CENPE: variants seen among roughly 807,000 people sequenced by gnomAD.
The protein encoded by CENPE is centromere-associated protein E.
A neutral mutation model predicts 336.1 loss-of-function variants in CENPE; 145 were observed. The observed-to-expected ratio is 0.43, with a 90% confidence interval of 0.38 to 0.50. CENPE has a LOEUF of 0.50. CENPE is among the 20% of genes least tolerant of loss of function. CENPE has a pLI of 0.00. For synonymous variants in CENPE, 1,013 were observed against 984.8 expected (o/e 1.03, Z -0.54); for missense variants, 2,719 against 3,023.3 (o/e 0.90, Z 2.36).
chr4:103,125,793 A>G (rs1277090748), intron 42 of CENPE, among the ~76,000 whole-genome samples: 1 of 139,900 alleles, frequency 7.1e-6, no homozygotes, highest in African/African-American at 2.7e-5. Flanking sequence ...TGAACCCAGG[A>G]GGCGGAGGTT....
Position 103,145,863 on chromosome 4 carries a change from T to A in CENPE, c.4379A>T (p.Gln1460Leu). 6.2e-7 allele frequency: 1 copy of A among 1,609,422 alleles called. No individual in the cohort carries two copies. Among genetic ancestry groups the A allele is most frequent in the African/African-American group, 1.3e-5 (1 of 74,750 alleles). ...AATTTCTTTTATGTTTTCTTTGAGCTGGTCACTTTCAGATTGAAGAACTTC... is the reference window on the plus strand; with the variant it reads ...AATTTCTTTTATGTTTTCTTTGAGCAGGTCACTTTCAGATTGAAGAACTTC... ...LQEVLQSESD[Q>L]LKENIKEIVA... is the part of the protein sequence containing the mutation. The change falls in exon 30 of 49, where the codon CAG becomes CTG. Residue 1460 changes from glutamine to leucine, a missense_variant. Physicochemically the swap from Gln to Leu is moderately radical, Grantham distance 113 (BLOSUM62 -2). Coordinates refer to ENST00000265148, the MANE Select transcript of CENPE (RefSeq NM_001813.3).
At chr4:103,138,471 A>G in intron 38 of CENPE, 22 bp from the exon 39 acceptor site, 1 of 1,526,678 alleles carries the variant, frequency 6.6e-7, no homozygotes, top group Non-Finnish European at 9.1e-7. Flanking sequence ...AAAAGAAAAT[A>G]AACAGGGCTT....
At chr4:103,173,172 T>G (rs1755554754) in intron 16 of CENPE, among the ~76,000 whole-genome samples, 1 of 151,738 alleles carries the variant, frequency 6.6e-6, no homozygotes, top group Non-Finnish European at 1.5e-5. Flanking sequence ...AACAGGCCAA[T>G]AGAACAGAGA....
Position 103,120,148 on chromosome 4 carries a change from C to G in CENPE, c.7329G>C (p.Gln2443His). 6.3e-7 allele frequency: 1 copy of G among 1,585,568 alleles called. No individual in the cohort carries two copies. The highest frequency in any genetic ancestry group is 1.2e-5 in the South Asian group (1 of 86,358). The change falls in exon 44 of 49, where the codon CAG (glutamine) becomes CAC (histidine). Residue 2443 changes from glutamine to histidine, a missense_variant and splice_region_variant. Coordinates refer to ENST00000265148, the MANE Select transcript of CENPE (RefSeq NM_001813.3). Reference sequence around the variant, plus strand: ...ACTTTTATTTTTATGTTTAAGTTACCTGAAGTACTTGAATTGTCTCTTTTG... The same window carrying G: ...ACTTTTATTTTTATGTTTAAGTTACGTGAAGTACTTGAATTGTCTCTTTTG... The part of the protein sequence containing the change: ...EKTKETIQVL[Q>H]DKVALGAKPY...
intron 8 of CENPE, among the ~76,000 whole-genome samples, chr4:103,188,965 T>C (rs1400517249): frequency 1.3e-5 from 2 of 152,036 alleles, no homozygotes; most frequent in African/African-American, 4.8e-5. Context: ...GGGGATATCA[T>C]CACCGATCCC....
In CENPE at chr4:103,113,520, TATTA is replaced by T. The variant is rs1247297293; in HGVS notation, c.7540+931_7540+934del. ...TTATACTTATATATATTATAATATA[TATTA>T]TATATAATATATAACTTATATATAA... On this transcript the variant is annotated intron_variant, in intron 46 of 48. Transcript: ENST00000265148. Among the ~76,000 whole-genome samples, 4 of 140,266 alleles carry T rather than the reference TATTA, an allele frequency of 2.9e-5. 1 individual carries two copies. The highest frequency in any genetic ancestry group is 1.1e-4 in the African/African-American group (4 of 37,862). The allele number at this position is 140,266 out of a possible 152,430, so 92.0% of individuals were successfully genotyped here.
At chr4:103,196,624 T>C in intron 2 of CENPE, 135 bp downstream of exon 2, 1 of 609,814 alleles carries the variant, frequency 1.6e-6, no homozygotes, top group Non-Finnish European at 2.9e-6. Flanking sequence ...GGATAAACAA[T>C]TTTGTTTCCA....
chr4:103,137,664 G>A (rs752166138), intron 39 of CENPE, among the ~76,000 whole-genome samples: 11 of 152,246 alleles, frequency 7.2e-5, no homozygotes, highest in African/African-American at 2.6e-4. Context: ...AGGTGTGACT[G>A]TAAATCCTGT....
Position 103,147,548 on chromosome 4 carries a change from C to G in CENPE, c.3942G>C (p.Gln1314His), listed in dbSNP as rs1753159718. 6.2e-7 allele frequency: 1 copy of G among 1,614,038 alleles called. No homozygotes were observed. Among genetic ancestry groups the G allele is most frequent in the Non-Finnish European group, 8.5e-7 (1 of 1,179,998 alleles). The change falls in exon 29 of 49, where the codon CAG (glutamine) becomes CAC (histidine). Residue 1314 changes from glutamine (Q) to histidine (H), a missense_variant. By Grantham distance (24) the Gln-to-His change is conservative (BLOSUM62 0). This residue lies in a region of CENPE where 2,437 missense variants were observed against 2,513.3 expected (regional missense o/e 0.97). Transcript: ENST00000265148. ...TMNELELLTE[Q>H]STTKDSTTLA... Reference sequence around the variant, plus strand: ...GTGTTGTTGAGTCCTTGGTTGTGGACTGTTCTGTTAATAACTCCAGTTCAT... The same window carrying G: ...GTGTTGTTGAGTCCTTGGTTGTGGAGTGTTCTGTTAATAACTCCAGTTCAT...
Position 103,163,276 on chromosome 4 carries a change from G to C in CENPE, c.1723-20C>G. On this transcript the variant is annotated intron_variant, in intron 17 of 48. Transcript: ENST00000265148. ...TTCATTCTAAAAGAATCAAAGGAGA[G>C]AGTAACAATTTAGAATCTGATTTGA... 3 of 1,591,572 alleles carry C rather than the reference G, an allele frequency of 1.9e-6. No individual in the cohort carries two copies. Among genetic ancestry groups the C allele is most frequent in the Non-Finnish European group, 2.6e-6 (3 of 1,169,120 alleles).
At chr4:103,108,714 T>TTATC in intron 48 of CENPE, 89 bp downstream of exon 48, 1 of 1,212,910 alleles carries the variant, frequency 8.2e-7, no homozygotes. Flanking sequence ...AAATCATCTC[T>TTATC]TATCTAAACT....
intron 45 of CENPE, 50 bp downstream of exon 45, chr4:103,116,527 G>T: frequency 1.2e-6 from 1 of 862,420 alleles, no homozygotes; most frequent in East Asian, 2.7e-5. Flanking sequence ...TGTAGTTTAG[G>T]AAGAAAATTT....
At position 103,174,386 on chromosome 4, in the gene CENPE, A is replaced by G. The variant is rs555101650; in HGVS notation, c.1647+350T>C. On this transcript the variant is annotated intron_variant, in intron 16 of 48. Transcript: ENST00000265148. ...AATGGGGAAATCTTGGTCAGATGAC[A>G]TAATGACAGTTAGATAGCAGGAATA... Among the ~76,000 whole-genome samples, 8 of 152,122 alleles carry G rather than the reference A, an allele frequency of 5.3e-5. No homozygotes were observed. The South Asian group carries it at 1.7e-3, about 32-fold the overall frequency.
Position 103,122,875 on chromosome 4 carries a change from G to A in CENPE, c.7139C>T (p.Thr2380Ile), listed in dbSNP as rs764997278. The A allele has an allele frequency of 6.2e-7, 1 of 1,607,304 alleles. No homozygotes were observed. Among genetic ancestry groups the A allele is most frequent in the Non-Finnish European group, 8.5e-7 (1 of 1,173,902 alleles). ...HVTSRATQLTTEKIRELENSL... is the reference protein window; with the variant it reads ...HVTSRATQLTIEKIRELENSL... ...ATTTTATAAGAAATTATATACCTCT[G>A]TGGTTAACTGTGTAGCTCTTGATGT... The change falls in exon 43 of 49, where the codon ACA becomes ATA. Residue 2380 changes from threonine (T) to isoleucine (I), a missense_variant. By Grantham distance (89) the Thr-to-Ile change is moderately conservative. Coordinates refer to ENST00000265148, the MANE Select transcript of CENPE (RefSeq NM_001813.3).
intron 45 of CENPE, 54 bp from the exon 46 acceptor site, chr4:103,114,606 A>G (rs1749914143): frequency 4.6e-6 from 5 of 1,090,716 alleles, no homozygotes; most frequent in Non-Finnish European, 6.9e-6. Context: ...TTTTTACAGG[A>G]GAATAAACAG....
chr4:103,146,131 C>T (rs1753035988), intron 29 of CENPE, 24 bp from the exon 30 acceptor site: 2 of 1,595,026 alleles, frequency 1.3e-6, no homozygotes, highest in Non-Finnish European at 8.5e-7. Context: ...TAAAACAGTA[C>T]AGTTGATATC....
At position 103,158,628 on chromosome 4, in the gene CENPE, C is replaced by A. The variant is rs201814347; in HGVS notation, c.2860G>T (p.Asp954Tyr). 2.0e-5 allele frequency: 32 copies of A among 1,602,726 alleles called. No homozygotes were observed. The African/African-American group carries it at 3.5e-4, about 18-fold the overall frequency. ...ERDQLKSDIH[D>Y]TVNMNIDTQE... Reference sequence around the variant, plus strand: ...CAAAACCTTACCATGTTAACAGTATCGTGAATATCACTTTTGAGTTGGTCC... The same window carrying A: ...CAAAACCTTACCATGTTAACAGTATAGTGAATATCACTTTTGAGTTGGTCC... Residue 954 changes from aspartate (D) to tyrosine (Y), a missense_variant, in exon 23 of 49, where the codon GAT becomes TAT. Coordinates refer to ENST00000265148, the MANE Select transcript of CENPE (RefSeq NM_001813.3).
At chr4:103,121,391 C>T (rs1750607025) in intron 43 of CENPE, among the ~76,000 whole-genome samples, 1 of 152,052 alleles carries the variant, frequency 6.6e-6, no homozygotes, top group African/African-American at 2.4e-5. Flanking sequence ...CATGTACACA[C>T]TCTTTTTTGT....
chr4:103,170,973 C>T (rs1241682829), intron 16 of CENPE, among the ~76,000 whole-genome samples: 1 of 151,978 alleles, frequency 6.6e-6, no homozygotes, highest in East Asian at 1.9e-4. Flanking sequence ...GTCAACTCAG[C>T]AAGAGGTTGT....
Sources: allele counts gnomAD v4.1 joint callset (sites outside exome capture counted in the v4.1 genomes callset), GRCh38; gene constraint gnomAD v4.1.1; regional missense constraint gnomAD v4.1.1; transcripts MANE v1.5; gene names NCBI Gene and HGNC (gene_info 2026-07-23, HGNC 2026-07-21).